Variants in SCHIP1 observed in about 807,000 individuals in gnomAD.
The protein encoded by SCHIP1 is schwannomin interacting protein 1, also known as schwannomin-interacting protein 1.
A neutral mutation model predicts 29.7 loss-of-function variants in SCHIP1; 8 were observed. That is an observed-to-expected ratio of 0.27 (90% CI 0.16 to 0.49). SCHIP1 has a LOEUF of 0.49. SCHIP1 is among the 20% of genes least tolerant of loss of function. The pLI is 0.99. For missense variants in SCHIP1, 193 were observed against 294.6 expected, an observed-to-expected ratio of 0.66 and a Z score of 2.52; for synonymous variants, 76 against 94.9, an observed-to-expected ratio of 0.80 and a Z score of 1.16.
chr3:159,856,951 C>T (rs910496689), intron 1 of SCHIP1, among the ~76,000 whole-genome samples: 3 of 152,202 alleles, frequency 2.0e-5, no homozygotes, highest in East Asian at 1.9e-4. Context: ...CCGTCGACCT[C>T]CATTAACCCT....
the SCHIP1 span, among the ~76,000 whole-genome samples, chr3:159,694,447 A>C: frequency 6.6e-6 from 1 of 151,726 alleles, no homozygotes; most frequent in South Asian, 2.1e-4. Context: ...TTCAACTGTG[A>C]GACGGAGGTT....
chr3:159,432,339 T>TGTGTGAGAGA, the SCHIP1 span, among the ~76,000 whole-genome samples: 1 of 69,310 alleles, frequency 1.4e-5, no homozygotes, highest in Admixed American at 1.6e-4. Flanking sequence ...TGTGTGTGTG[T>TGTGTGAGAGA]GAGAGAGAGA....
chr3:159,400,444 T>G, the SCHIP1 span, among the ~76,000 whole-genome samples: 1 of 152,256 alleles, frequency 6.6e-6, no homozygotes, highest in East Asian at 1.9e-4. Flanking sequence ...AGGTACTTTA[T>G]GTATATTATC....
chr3:159,849,954 G>A (rs1325843331), intron 1 of SCHIP1, among the ~76,000 whole-genome samples: 1 of 152,178 alleles, frequency 6.6e-6, no homozygotes, highest in Non-Finnish European at 1.5e-5. Context: ...TGTTCTACAT[G>A]CTATGGGGTA....
the SCHIP1 span, among the ~76,000 whole-genome samples, chr3:159,498,786 G>T: frequency 6.6e-6 from 1 of 152,100 alleles, no homozygotes; most frequent in Admixed American, 6.6e-5. Context: ...GTAAATTATG[G>T]TATAAACATA....
chr3:159,527,492 C>A, the SCHIP1 span, among the ~76,000 whole-genome samples: 1 of 152,202 alleles, frequency 6.6e-6, no homozygotes, highest in East Asian at 1.9e-4. Context: ...ACAAAACTCT[C>A]TTAGTTGTAA....
At chr3:159,842,142 A>C (rs987423747) in intron 1 of SCHIP1, among the ~76,000 whole-genome samples, 1 of 152,208 alleles carries the variant, frequency 6.6e-6, no homozygotes, top group Non-Finnish European at 1.5e-5. Flanking sequence ...CCATTTTACA[A>C]GGACTTACTT....
chr3:159,544,621 A>G, the SCHIP1 span, among the ~76,000 whole-genome samples: 3 of 152,038 alleles, frequency 2.0e-5, no homozygotes, highest in African/African-American at 7.2e-5. Context: ...GCATCGTTTC[A>G]TGTTTTCTTA....
chr3:159,420,261 G>A, the SCHIP1 span, among the ~76,000 whole-genome samples: 1 of 152,092 alleles, frequency 6.6e-6, no homozygotes, highest in Admixed American at 6.5e-5. Context: ...AGACAGCCTC[G>A]CAAAAGAGAA....
At chr3:159,613,724 G>A in the SCHIP1 span, among the ~76,000 whole-genome samples, 1 of 152,302 alleles carries the variant, frequency 6.6e-6, no homozygotes, top group Non-Finnish European at 1.5e-5. Flanking sequence ...GGTTCAGATA[G>A]CTACTGGCTA....
At chr3:159,827,674 G>A in the SCHIP1 span, among the ~76,000 whole-genome samples, 2 of 151,800 alleles carry the variant, frequency 1.3e-5, no homozygotes, top group Non-Finnish European at 2.9e-5. Context: ...GCACGGTGGC[G>A]GGCGCCTGTA....
chr3:159,866,097 T>C (rs1180865957), intron 1 of SCHIP1, 66 bp from the exon 3 acceptor site: 2 of 1,388,938 alleles, frequency 1.4e-6, no homozygotes, highest in South Asian at 1.2e-5. Context: ...CTTAGCAAGT[T>C]AGACTGCCTG....
chr3:159,718,912 C>T, the SCHIP1 span, among the ~76,000 whole-genome samples: 2 of 152,140 alleles, frequency 1.3e-5, 1 homozygote, highest in Non-Finnish European at 2.9e-5. Flanking sequence ...CAAAAAAGAG[C>T]CCACATTGCC....
chr3:159,606,026 C>T, the SCHIP1 span, among the ~76,000 whole-genome samples: 1 of 152,194 alleles, frequency 6.6e-6, no homozygotes, highest in Non-Finnish European at 1.5e-5. Context: ...AGCACTCGAA[C>T]TGTGACATCT....
At chr3:159,814,119 G>GT in the SCHIP1 span, among the ~76,000 whole-genome samples, 1 of 152,186 alleles carries the variant, frequency 6.6e-6, no homozygotes, top group African/African-American at 2.4e-5. Flanking sequence ...GGGATTGCCT[G>GT]TGGCTGAGGA....
the SCHIP1 span, among the ~76,000 whole-genome samples, chr3:159,788,090 G>A: frequency 2.6e-5 from 4 of 152,218 alleles, no homozygotes; most frequent in East Asian, 3.9e-4. Flanking sequence ...AACAATCCCC[G>A]CAGCCTGGAG....
the SCHIP1 span, among the ~76,000 whole-genome samples, chr3:159,727,726 G>A: frequency 1.3e-5 from 2 of 152,262 alleles, no homozygotes; most frequent in South Asian, 4.1e-4. Flanking sequence ...AACACACAGG[G>A]AATATACATT....
the SCHIP1 span, among the ~76,000 whole-genome samples, chr3:159,539,731 A>C: frequency 2.9e-5 from 4 of 135,816 alleles, 1 homozygote; most frequent in Non-Finnish European, 6.7e-5. Context: ...TCCTTTGTAC[A>C]TTATTTTCTC....
At chr3:159,664,497 CTTAT>C in the SCHIP1 span, among the ~76,000 whole-genome samples, 2 of 151,358 alleles carry the variant, frequency 1.3e-5, no homozygotes, top group Non-Finnish European at 2.9e-5. Context: ...GAAATAAAAG[CTTAT>C]TTAATAAAAA....
Sources: gnomAD v4.1 joint callset for allele counts (sites outside exome capture counted in the v4.1 genomes callset) on GRCh38, gnomAD v4.1.1 for gene constraint, MANE v1.5 for transcripts, NCBI Gene and HGNC (gene_info 2026-07-23, HGNC 2026-07-21) for gene names.